The following ATP8A2 variants were observed in gnomAD, a reference collection of about 807,000 sequenced individuals.
The protein encoded by ATP8A2 is phospholipid-transporting ATPase IB.
In ATP8A2, 100 loss-of-function variants were observed where a neutral mutation model predicts 165.6. The ratio of observed to expected loss-of-function variants is 0.60; its 90% CI spans 0.51 to 0.71. The LOEUF is 0.71. Ranked by LOEUF, ATP8A2 falls within the 30% of genes least tolerant of loss-of-function variation. ATP8A2 has a pLI of 0.00. For missense variants in ATP8A2, 1,227 were observed against 1,479.5 expected (o/e 0.83, Z 2.80); for synonymous variants, 543 against 548.8 (o/e 0.99, Z 0.15).
At chr13:25,561,776 A>C (rs1406545225) in intron 15 of ATP8A2, among the ~76,000 whole-genome samples, 1 of 152,130 alleles carries the variant, frequency 6.6e-6, no homozygotes, top group African/African-American at 2.4e-5. Context: ...AAAATTCTTC[A>C]TTGCTGCCTG....
chr13:25,728,934 C>T (rs1446698754), intron 25 of ATP8A2, among the ~76,000 whole-genome samples: 1 of 152,126 alleles, frequency 6.6e-6, no homozygotes, highest in Non-Finnish European at 1.5e-5. Flanking sequence ...CTCTGAAAAC[C>T]CTGTTTTTCA....
chr13:25,711,772 T>C (rs1003209967), intron 25 of ATP8A2, among the ~76,000 whole-genome samples: 4 of 152,160 alleles, frequency 2.6e-5, no homozygotes, highest in Admixed American at 6.5e-5. Context: ...GATCCAGATT[T>C]ATAGTCATTT....
Position 25,956,535 on chromosome 13 carries a change from A to G in ATP8A2, c.3184-5040A>G, listed in dbSNP as rs527994276. Among the ~76,000 whole-genome samples the G allele has an allele frequency of 1.8e-3, 273 of 152,348 alleles. 2 individuals are homozygous for G. Among genetic ancestry groups the G allele is most frequent in the African/African-American group, 6.1e-3 (255 of 41,582 alleles). ...TCCATTCACAATTGCTACAAAGAGA[A>G]TAAAATACCTGGGAATACAACTTAC... On this transcript the variant is annotated intron_variant, in intron 33 of 36. Coordinates refer to ENST00000381655, the MANE Select transcript of ATP8A2 (RefSeq NM_016529.6).
chr13:25,756,924 G>T (rs867463104), intron 25 of ATP8A2, among the ~76,000 whole-genome samples: 17 of 152,158 alleles, frequency 1.1e-4, no homozygotes, highest in African/African-American at 3.4e-4. Context: ...CCAGGGAGGG[G>T]GTCTGTCTGG....
chr13:25,898,907 G>A (rs933895276), intron 33 of ATP8A2, among the ~76,000 whole-genome samples: 1 of 152,176 alleles, frequency 6.6e-6, no homozygotes, highest in Non-Finnish European at 1.5e-5. Flanking sequence ...GGAGTGACCC[G>A]ATTTTCCAGG....
intron 1 of ATP8A2, among the ~76,000 whole-genome samples, chr13:25,395,056 A>G (rs1029726207): frequency 1.3e-5 from 2 of 152,170 alleles, no homozygotes; most frequent in African/African-American, 4.8e-5. Context: ...GTCTCTCTCT[A>G]TATACATACA....
chr13:25,691,528 A>G (rs1217227249), intron 24 of ATP8A2, among the ~76,000 whole-genome samples: 1 of 152,182 alleles, frequency 6.6e-6, no homozygotes, highest in Non-Finnish European at 1.5e-5. Flanking sequence ...GAAATATGTC[A>G]TGGGGTAAGT....
In ATP8A2 at chr13:26,020,855, A is replaced by G. The variant is rs115224323; in HGVS notation, c.*870A>G. ...AAGAAAAGAAACATAGCCTTTCTGC[A>G]TATATTCTAAACGTCTCTCTGCCTC... On this transcript the variant is annotated 3_prime_UTR_variant, in exon 37 of 37. Coordinates refer to ENST00000381655, the MANE Select transcript of ATP8A2 (RefSeq NM_016529.6). The G allele has an allele frequency of 6.6e-6, 1 of 152,302 alleles. No homozygotes were observed. Among genetic ancestry groups the G allele is most frequent in the Admixed American group, 6.5e-5 (1 of 15,290 alleles). The allele number at this position is 152,302 out of a possible 1,614,324, so 9.4% of individuals were successfully genotyped here.
chr13:25,784,874 T>G (rs1027123571), intron 27 of ATP8A2, among the ~76,000 whole-genome samples: 6 of 151,976 alleles, frequency 3.9e-5, no homozygotes, highest in Admixed American at 2.0e-4. Flanking sequence ...CAAGCGATTC[T>G]CCTGCCTCAG....
intron 28 of ATP8A2, among the ~76,000 whole-genome samples, chr13:25,836,117 T>G (rs1951596605): frequency 6.6e-6 from 1 of 152,210 alleles, no homozygotes; most frequent in Non-Finnish European, 1.5e-5. Flanking sequence ...TCAGGTAAAC[T>G]GGGCCCTTTC....
rs141298019 is a variant in ATP8A2, at chr13:25,428,761, G to T, written c.77-40216G>T. Among the ~76,000 whole-genome samples the T allele has an allele frequency of 2.6e-5, 4 of 152,256 alleles. No homozygotes were observed. The South Asian group carries it at 8.3e-4, about 32-fold the overall frequency. ...GAATGGCTCAGCAGGCAGCCCACTC[G>T]CAAGCAGGATTTGGGACCCCAGGGT... On this transcript the variant is annotated intron_variant, in intron 1 of 36. Coordinates refer to ENST00000381655, the MANE Select transcript of ATP8A2 (RefSeq NM_016529.6).
intron 24 of ATP8A2, among the ~76,000 whole-genome samples, chr13:25,603,996 T>C (rs925210748): frequency 6.6e-6 from 1 of 151,904 alleles, no homozygotes. Context: ...GTCACCAGGA[T>C]TGATAAGAGA....
chr13:25,496,851 A>T (rs969570150), intron 2 of ATP8A2, among the ~76,000 whole-genome samples: 1 of 152,194 alleles, frequency 6.6e-6, no homozygotes, highest in Non-Finnish European at 1.5e-5. Flanking sequence ...TAATATTCTT[A>T]TTAAAATATC....
At chr13:26,017,785 C>T (rs1957012951) in intron 36 of ATP8A2, among the ~76,000 whole-genome samples, 1 of 152,122 alleles carries the variant, frequency 6.6e-6, no homozygotes, top group Non-Finnish European at 1.5e-5. Flanking sequence ...AGCATATCCG[C>T]CCCCAAGGGA....
intron 24 of ATP8A2, among the ~76,000 whole-genome samples, chr13:25,668,502 A>G (rs1323603469): frequency 1.3e-5 from 2 of 152,142 alleles, no homozygotes; most frequent in East Asian, 3.9e-4. Flanking sequence ...ATGTCTCAAC[A>G]TAGATCTCTT....
At chr13:25,957,420 GA>G (rs1287765225) in intron 33 of ATP8A2, among the ~76,000 whole-genome samples, 2 of 151,898 alleles carry the variant, frequency 1.3e-5, no homozygotes, top group African/African-American at 4.8e-5. Flanking sequence ...AATTTACAAG[GA>G]AAAAACAACC....
At chr13:25,771,680 G>A (rs2044622527) in intron 26 of ATP8A2, among the ~76,000 whole-genome samples, 1 of 152,178 alleles carries the variant, frequency 6.6e-6, no homozygotes, top group African/African-American at 2.4e-5. Flanking sequence ...TCTGCCAAAG[G>A]AACTGATGCA....
At chr13:25,853,122 G>A (rs529121135) in intron 30 of ATP8A2, among the ~76,000 whole-genome samples, 89 of 151,534 alleles carry the variant, frequency 5.9e-4, no homozygotes, top group African/African-American at 2.0e-3. Context: ...TTGGTCAGGT[G>A]CGGTGGCTGT....
At chr13:25,917,947 A>G (rs1464638053) in intron 33 of ATP8A2, among the ~76,000 whole-genome samples, 1 of 152,238 alleles carries the variant, frequency 6.6e-6, no homozygotes, top group Non-Finnish European at 1.5e-5. Context: ...ATATCAGAGA[A>G]TACATTTTTG....
Sources: gnomAD v4.1 joint callset for allele counts (sites outside exome capture counted in the v4.1 genomes callset) on GRCh38, gnomAD v4.1.1 for gene constraint, MANE v1.5 for transcripts, NCBI Gene and HGNC (gene_info 2026-07-23, HGNC 2026-07-21) for gene names.